Variants in GRK5 observed in about 807,000 individuals in gnomAD.
The protein encoded by GRK5 is G protein-coupled receptor kinase 5, also known as g protein-coupled receptor kinase GRK5.
GRK5 carries 40 observed loss-of-function variants against 78.4 expected under a neutral mutation model. That is an observed-to-expected ratio of 0.51 (90% CI 0.40 to 0.66). The LOEUF is 0.66. GRK5 is among the 30% of genes least tolerant of loss of function. The probability of loss-of-function intolerance (pLI) is 0.00; values close to 1 mark genes in which losing one functional copy is unlikely to be tolerated. For missense variants in GRK5, 598 were observed against 759.9 expected (o/e 0.79, Z 2.50); for synonymous variants, 289 against 296.8 (o/e 0.97, Z 0.27).
At chr10:119,342,092 G>GA (rs72509495) in intron 2 of GRK5, among the ~76,000 whole-genome samples, 1 of 500 alleles carries the variant, frequency 2.0e-3, no homozygotes, top group African/African-American at 2.5e-3. Context: ...GACTGGTCAG[G>GA]CGAGATGGGC....
intron 2 of GRK5, among the ~76,000 whole-genome samples, chr10:119,340,360 C>G (rs1850963668): frequency 6.6e-6 from 1 of 152,174 alleles, no homozygotes; most frequent in African/African-American, 2.4e-5. Context: ...CTCTTGGCCT[C>G]AAGTAATCTG....
intron 1 of GRK5, among the ~76,000 whole-genome samples, chr10:119,230,830 CAAAAAAAA>C (rs5788332): frequency 4.9e-5 from 3 of 61,522 alleles, no homozygotes; most frequent in African/African-American, 2.2e-4. Flanking sequence ...GACCCTATCT[CAAAAAAAA>C]AAAAAAAAAA....
chr10:119,443,480 C>G (rs1853078819), intron 11 of GRK5, 64 bp from the exon 12 acceptor site: 1 of 1,462,540 alleles, frequency 6.8e-7, no homozygotes, highest in South Asian at 1.2e-5. Flanking sequence ...TCCAGGCCTT[C>G]TGTGAGCAGC....
chr10:119,330,410 A>AGAGAGC (rs1564893715), intron 2 of GRK5: 2 of 144,816 alleles, frequency 1.4e-5, no homozygotes, highest in African/African-American at 5.4e-5. Flanking sequence ...AGAGAGAGAG[A>AGAGAGC]GCTCTTGTCT....
At chr10:119,413,976 G>A (rs1032537485) in intron 4 of GRK5, among the ~76,000 whole-genome samples, 2 of 152,180 alleles carry the variant, frequency 1.3e-5, no homozygotes, top group Admixed American at 1.3e-4. Flanking sequence ...TATGGTTGTG[G>A]GAGTGCCCCT....
chr10:119,318,701 G>C (rs1253788952), intron 1 of GRK5, among the ~76,000 whole-genome samples: 1 of 152,006 alleles, frequency 6.6e-6, no homozygotes, highest in Admixed American at 6.6e-5. Context: ...TGCCTTCCTG[G>C]AGCTCAGGTC....
At chr10:119,276,396 C>T (rs1849671179) in intron 1 of GRK5, among the ~76,000 whole-genome samples, 1 of 152,080 alleles carries the variant, frequency 6.6e-6, no homozygotes, top group African/African-American at 2.4e-5. Context: ...TGATGATTTC[C>T]AATTTCATCC....
chr10:119,230,901 C>G (rs1156801095), intron 1 of GRK5, among the ~76,000 whole-genome samples: 1 of 146,996 alleles, frequency 6.8e-6, no homozygotes, highest in African/African-American at 2.5e-5. Context: ...ACTACCTGTA[C>G]TTGAAGACAC....
At chr10:119,436,239 CCTTA>C (rs1358585084) in intron 8 of GRK5, among the ~76,000 whole-genome samples, 1 of 152,244 alleles carries the variant, frequency 6.6e-6, no homozygotes, top group East Asian at 1.9e-4. Context: ...TCCAGCTCAC[CCTTA>C]CTTGGCCCTG....
intron 2 of GRK5, among the ~76,000 whole-genome samples, chr10:119,376,899 CTT>C (rs1438733666): frequency 6.6e-6 from 1 of 152,188 alleles, no homozygotes; most frequent in Non-Finnish European, 1.5e-5. Flanking sequence ...AAAGCAGCCT[CTT>C]TCTGGCTTGG....
intron 1 of GRK5, among the ~76,000 whole-genome samples, chr10:119,257,446 C>G (rs1021127806): frequency 6.6e-6 from 1 of 152,036 alleles, no homozygotes; most frequent in Non-Finnish European, 1.5e-5. Context: ...GGGCAGGGGC[C>G]GGGTACGGTG....
At chr10:119,344,041 C>A (rs1419838329) in intron 2 of GRK5, among the ~76,000 whole-genome samples, 1 of 150,686 alleles carries the variant, frequency 6.6e-6, no homozygotes, top group East Asian at 1.9e-4. Flanking sequence ...CTCTCTCCTG[C>A]AGTGTCAGGC....
Position 119,238,616 on chromosome 10 carries a change from G to A in GRK5, c.52+30647G>A, listed in dbSNP as rs534800165. ...GCCTTCTCTTAGACATGTAGGGTTC[G>A]CGCCGTTGACCTGAGCTTCAGTGCC... On this transcript the variant is annotated intron_variant, in intron 1 of 15. Coordinates refer to ENST00000392870, the MANE Select transcript of GRK5 (RefSeq NM_005308.3). This position sits in a 1 kb window ranked among gnomAD's most constrained non-coding sequence, Gnocchi z 4.7. Among the ~76,000 whole-genome samples, 29 of 152,280 alleles carry A rather than the reference G, an allele frequency of 1.9e-4. 3 individuals carry two copies. The South Asian group carries it at 4.4e-3, about 23-fold the overall frequency.
chr10:119,397,568 G>A (rs1325207767), intron 4 of GRK5, among the ~76,000 whole-genome samples: 3 of 152,280 alleles, frequency 2.0e-5, no homozygotes, highest in East Asian at 3.9e-4. Context: ...CATCCCCCGG[G>A]GCCAGTGGTG....
chr10:119,254,765 GA>G (rs1197178669), intron 1 of GRK5, among the ~76,000 whole-genome samples: 5 of 152,078 alleles, frequency 3.3e-5, no homozygotes, highest in Non-Finnish European at 7.4e-5. Context: ...GAAAAAAATG[GA>G]AAAACAGGCC....
At position 119,452,365 on chromosome 10, in the gene GRK5, G is replaced by A. The variant is rs1351090583; in HGVS notation, c.1405-306G>A. On this transcript the variant is annotated intron_variant, in intron 13 of 15. Transcript: ENST00000392870. This position sits in a 1 kb window ranked among gnomAD's most constrained non-coding sequence, Gnocchi z 4.4. ...GCACCCAGGTGCCCCGAGCTCCTGT[G>A]TCACCCCAGCCAGGGTCCCCGTCAT... 1 of 358,406 alleles carries A rather than the reference G, an allele frequency of 2.8e-6. No homozygotes were observed. 22.2% of individuals were successfully genotyped at this position (358,406 alleles called of 1,614,324 possible). A position where few individuals can be genotyped will look rare whatever the true frequency, so the allele number is the denominator to read the frequency against.
intron 2 of GRK5, among the ~76,000 whole-genome samples, chr10:119,327,874 C>T (rs1186890119): frequency 6.6e-6 from 1 of 152,246 alleles, no homozygotes; most frequent in Non-Finnish European, 1.5e-5. Flanking sequence ...ATCCCAGGCA[C>T]ATCAGAATCC....
chr10:119,294,736 T>C (rs951954791), intron 1 of GRK5, among the ~76,000 whole-genome samples: 3 of 152,238 alleles, frequency 2.0e-5, no homozygotes, highest in African/African-American at 7.2e-5. Flanking sequence ...CCAGTTCTAT[T>C]TTTACAAATA....
At chr10:119,354,539 C>T (rs1286545388) in intron 2 of GRK5, among the ~76,000 whole-genome samples, 1 of 151,698 alleles carries the variant, frequency 6.6e-6, no homozygotes, top group Non-Finnish European at 1.5e-5. Context: ...GTATCTGGGG[C>T]TACAGGTGTA....
Sources: gnomAD v4.1 joint callset for allele counts (sites outside exome capture counted in the v4.1 genomes callset) on GRCh38, gnomAD v4.1.1 for gene constraint, Gnocchi (gnomAD v3.1) non-coding constraint, MANE v1.5 for transcripts, NCBI Gene and HGNC (gene_info 2026-07-23, HGNC 2026-07-21) for gene names.